KATNA1: variants seen among roughly 807,000 people sequenced by gnomAD.
KATNA1 encodes katanin catalytic subunit A1.
A neutral mutation model predicts 62.6 loss-of-function variants in KATNA1; 42 were observed. The ratio of observed to expected loss-of-function variants is 0.67; its 90% confidence interval spans 0.52 to 0.87. The LOEUF is 0.87. Among genes scored for constraint, KATNA1 ranks in the 40% least tolerant of loss-of-function variants. KATNA1 has a pLI of 0.00. For missense variants in KATNA1, 498 were observed against 612.5 expected (o/e 0.81, Z 1.97); for synonymous variants, 186 against 201.9 (o/e 0.92, Z 0.67).
intron 3 of KATNA1, among the ~76,000 whole-genome samples, chr6:149,629,397 G>C (rs1412061385): frequency 6.6e-6 from 1 of 152,116 alleles, no homozygotes; most frequent in Admixed American, 6.6e-5. Context: ...CTCAGGAAGA[G>C]AGCCCTCACC....
intron 4 of KATNA1, among the ~76,000 whole-genome samples, chr6:149,616,632 T>C (rs1161819500): frequency 6.6e-6 from 1 of 152,112 alleles, no homozygotes; most frequent in Non-Finnish European, 1.5e-5. Context: ...CGGGTGCCTG[T>C]AATCCCAGAC....
chr6:149,632,904 T>C lies in KATNA1; in HGVS notation c.175A>G (p.Ile59Val). Residue 59 changes from isoleucine (I) to valine (V), a missense_variant, in exon 3 of 11, where the codon ATA becomes GTA. Coordinates refer to ENST00000367411, the MANE Select transcript of KATNA1 (RefSeq NM_007044.4). ...QQKWQQVWQE[I>V]NVEAKHVKDI... ...TTAACATGTTTAGCTTCCACATTTA[T>C]TTCCTGCCAAACCTGATTTCAAAGA... 6.2e-7 allele frequency: 1 copy of C among 1,605,586 alleles called. No individual in the cohort carries two copies. The highest frequency in any genetic ancestry group is 8.5e-7 in the Non-Finnish European group (1 of 1,178,148).
intron 1 of KATNA1, among the ~76,000 whole-genome samples, chr6:149,641,541 C>A (rs182015872): frequency 6.6e-6 from 1 of 152,126 alleles, no homozygotes; most frequent in Admixed American, 6.6e-5. Context: ...AAAAGTTGAT[C>A]CAGAAAACAA....
At position 149,603,292 on chromosome 6, in the gene KATNA1, A is replaced by G. The variant is rs1268756575; in HGVS notation, c.705T>C (p.Phe235=). The G allele has an allele frequency of 6.3e-7, 1 of 1,578,780 alleles. No individual in the cohort carries two copies. Among genetic ancestry groups the G allele is most frequent in the Non-Finnish European group, 8.7e-7 (1 of 1,153,182 alleles). The change falls in exon 6 of 11, where the codon TTT becomes TTC. Residue 235 remains phenylalanine (F), a synonymous_variant. Coordinates refer to ENST00000367411, the MANE Select transcript of KATNA1 (RefSeq NM_007044.4). ...CTTTCCATGGTCTCCTAATGCCCTTAAAGAATTCGGGCATCCACATTGGTA... is the reference window on the plus strand; with the variant it reads ...CTTTCCATGGTCTCCTAATGCCCTTGAAGAATTCGGGCATCCACATTGGTA... ...VVLPMWMPEF[F]KGIRRPWKGV... is the part of the protein sequence containing the mutation.
At chr6:149,641,184 T>G (rs1428022309) in intron 1 of KATNA1, among the ~76,000 whole-genome samples, 3 of 150,126 alleles carry the variant, frequency 2.0e-5, no homozygotes, top group Non-Finnish European at 4.4e-5. Context: ...CTCGGGTTTT[T>G]TTTTTTTTTT....
At chr6:149,631,733 T>C (rs1779849473) in intron 3 of KATNA1, among the ~76,000 whole-genome samples, 1 of 152,168 alleles carries the variant, frequency 6.6e-6, no homozygotes, top group Admixed American at 6.6e-5. Flanking sequence ...AAATCTATAA[T>C]ACAAACTAGG....
At chr6:149,614,427 T>C (rs1779086151) in intron 4 of KATNA1, among the ~76,000 whole-genome samples, 1 of 152,182 alleles carries the variant, frequency 6.6e-6, no homozygotes, top group Admixed American at 6.5e-5. Context: ...TTTGGGGAAA[T>C]AGACATTTAA....
At chr6:149,643,087 C>G (rs1780351123) in intron 1 of KATNA1, among the ~76,000 whole-genome samples, 1 of 152,186 alleles carries the variant, frequency 6.6e-6, no homozygotes, top group Non-Finnish European at 1.5e-5. Flanking sequence ...AATACCAGCT[C>G]CACAGAGTGA....
chr6:149,598,056 T>C (rs1003698428), intron 8 of KATNA1, 168 bp downstream of exon 8: 36 of 656,192 alleles, frequency 5.5e-5, no homozygotes, highest in Non-Finnish European at 8.4e-5. Context: ...CCAAATCTAT[T>C]ACTATCACTA....
At chr6:149,612,288 A>T (rs1179981875) in intron 4 of KATNA1, among the ~76,000 whole-genome samples, 1 of 152,092 alleles carries the variant, frequency 6.6e-6, no homozygotes, top group Non-Finnish European at 1.5e-5. Context: ...CAGGTGGATC[A>T]CCTGAGGTCA....
intron 10 of KATNA1, among the ~76,000 whole-genome samples, chr6:149,596,048 A>G (rs540578501): frequency 2.6e-5 from 4 of 152,342 alleles, no homozygotes; most frequent in African/African-American, 9.6e-5. Context: ...AATATAGTGA[A>G]CAAAGGCACC....
rs1310930730 is a variant in KATNA1 at position 149,604,737 on chromosome 6, C to G, written c.547G>C (p.Asp183His). The G allele has an allele frequency of 1.9e-6, 3 of 1,613,062 alleles. No individual in the cohort carries two copies. The highest frequency in any genetic ancestry group is 1.7e-6 in the Non-Finnish European group (2 of 1,179,020). The change falls in exon 5 of 11, where the codon GAT becomes CAT. Residue 183 changes from aspartate (D) to histidine (H), a missense_variant. By Grantham distance (81) the Asp-to-His change is moderately conservative. Coordinates refer to ENST00000367411, the MANE Select transcript of KATNA1 (RefSeq NM_007044.4). ...AAGTCTTTATCATATCCGGTACTAT[C>G]AAATTTATTTGTCTCTGGTTCTGTT... ...AVTEPETNKF[D>H]STGYDKDLVE...
intron 2 of KATNA1, among the ~76,000 whole-genome samples, chr6:149,634,090 T>C (rs1779963213): frequency 6.6e-6 from 1 of 151,868 alleles, no homozygotes; most frequent in South Asian, 2.1e-4. Context: ...CTGGCCAACA[T>C]GTTGAAACCC....
chr6:149,628,551 T>C (rs1388992245), intron 3 of KATNA1, among the ~76,000 whole-genome samples: 1 of 151,526 alleles, frequency 6.6e-6, no homozygotes, highest in African/African-American at 2.4e-5. Context: ...GCCGGGAGCA[T>C]AGGCTCACGC....
intron 4 of KATNA1, among the ~76,000 whole-genome samples, chr6:149,606,743 C>T (rs1335354797): frequency 2.6e-5 from 4 of 151,896 alleles, no homozygotes; most frequent in East Asian, 1.9e-4. Context: ...CTCAGCCTTC[C>T]GAGTAGCTGG....
intron 1 of KATNA1, among the ~76,000 whole-genome samples, chr6:149,647,131 G>C (rs1005422786): frequency 6.6e-6 from 1 of 151,712 alleles, no homozygotes; most frequent in African/African-American, 2.4e-5. Flanking sequence ...ATGTTGGGAA[G>C]TTGATCACTA....
At chr6:149,615,992 A>G (rs370038754) in intron 4 of KATNA1, among the ~76,000 whole-genome samples, 24 of 152,198 alleles carry the variant, frequency 1.6e-4, no homozygotes, top group African/African-American at 5.8e-4. Context: ...GACAAATGCC[A>G]TATGATCCAC....
At chr6:149,632,701 T>C (rs1311500271) in intron 3 of KATNA1, 58 bp downstream of exon 3, 4 of 1,457,032 alleles carry the variant, frequency 2.7e-6, no homozygotes, top group Non-Finnish European at 3.7e-6. Flanking sequence ...TCCTCCTAAA[T>C]ATAATCAATG....
chr6:149,632,489 C>A (rs1271594813), intron 3 of KATNA1, among the ~76,000 whole-genome samples: 2 of 152,164 alleles, frequency 1.3e-5, no homozygotes, highest in Non-Finnish European at 2.9e-5. Context: ...CAATTCCTAA[C>A]CCCATTCTCC....
Sources: allele counts gnomAD v4.1 joint callset (sites outside exome capture counted in the v4.1 genomes callset), GRCh38; gene constraint gnomAD v4.1.1; transcripts MANE v1.5; gene names NCBI Gene and HGNC (gene_info 2026-07-23, HGNC 2026-07-21).